AUTS2: variants seen among roughly 807,000 people sequenced by gnomAD.
AUTS2 encodes autism susceptibility gene 2 protein.
Under a neutral mutation model 112.4 loss-of-function variants are expected in AUTS2, and 17 were observed. The ratio of observed to expected loss-of-function variants is 0.15; its 90% CI spans 0.10 to 0.23. The LOEUF (loss-of-function observed/expected upper bound fraction) is 0.23, where lower values mean the gene tolerates loss of function less well. Among genes scored for constraint, AUTS2 ranks in the 10% least tolerant of loss-of-function variants. AUTS2 has a pLI of 1.00. For synonymous variants in AUTS2, 751 were observed against 702.7 expected, an observed-to-expected ratio of 1.07 and a Z score of -1.09; for missense variants, 1,510 against 1,701.6, an observed-to-expected ratio of 0.89 and a Z score of 1.98.
intron 5 of AUTS2, among the ~76,000 whole-genome samples, chr7:70,673,111 T>C: frequency 6.6e-6 from 1 of 152,108 alleles, no homozygotes; most frequent in East Asian, 1.9e-4. Context: ...GTAACACAAA[T>C]CTTCTGTTTA....
chr7:70,232,993 ACT>A (rs1395480139), intron 4 of AUTS2, among the ~76,000 whole-genome samples: 1 of 152,166 alleles, frequency 6.6e-6, no homozygotes, highest in East Asian at 1.9e-4. Flanking sequence ...ATGTTCCATA[ACT>A]CTATGCAATT....
At chr7:70,431,313 CAAAAATGTA>C (rs1795658770) in intron 4 of AUTS2, among the ~76,000 whole-genome samples, 2 of 152,328 alleles carry the variant, frequency 1.3e-5, no homozygotes, top group Middle Eastern at 3.4e-3. Context: ...GAAAGACTTA[CAAAAATGTA>C]TTAACAGTGT....
intron 2 of AUTS2, among the ~76,000 whole-genome samples, chr7:70,023,583 A>T (rs1254343025): frequency 6.6e-6 from 1 of 152,196 alleles, no homozygotes; most frequent in African/African-American, 2.4e-5. Context: ...AATGTAAAGC[A>T]CTTAGAAGGG....
rs147816341 is a variant in AUTS2 at position 69,818,431 on chromosome 7, A to C, written c.310-80855A>C. ...TGTATATTATTAAACTGGAGTCTGC[A>C]TGTACATGTCAGTTTATGAAGAACC... is the stretch of plus-strand genomic sequence containing the variant. On this transcript the variant is annotated intron_variant, in intron 1 of 18. Coordinates refer to ENST00000342771, the MANE Select transcript of AUTS2 (RefSeq NM_015570.4). 8.5e-5 allele frequency among the ~76,000 whole-genome samples: 13 copies of C among 152,346 alleles called. No individual in the cohort carries two copies. In the East Asian group the frequency reaches 2.5e-3, roughly 29 times the overall value.
intron 5 of AUTS2, among the ~76,000 whole-genome samples, chr7:70,476,505 A>T (rs1410060001): frequency 6.6e-6 from 1 of 152,178 alleles, no homozygotes. Flanking sequence ...TTGTCCAAAG[A>T]CATCTGCCCC....
At chr7:70,002,987 A>G (rs546377739) in intron 2 of AUTS2, among the ~76,000 whole-genome samples, 1 of 151,402 alleles carries the variant, frequency 6.6e-6, no homozygotes, top group Admixed American at 6.6e-5. Context: ...AAAATCAACA[A>G]TTTTAAGAAA....
At chr7:70,621,846 T>C (rs1294613125) in intron 5 of AUTS2, among the ~76,000 whole-genome samples, 6 of 131,566 alleles carry the variant, frequency 4.6e-5, no homozygotes, top group East Asian at 2.2e-4. Context: ...CTCTTTTTTT[T>C]TTTTTTTTTT....
intron 5 of AUTS2, among the ~76,000 whole-genome samples, chr7:70,508,131 C>T (rs192569447): frequency 4.7e-4 from 71 of 151,584 alleles, no homozygotes; most frequent in African/African-American, 1.7e-3. Flanking sequence ...TGATCAAGCT[C>T]GGGCTACGGG....
intron 5 of AUTS2, among the ~76,000 whole-genome samples, chr7:70,643,719 T>A (rs1275620025): frequency 1.3e-5 from 2 of 152,204 alleles, no homozygotes; most frequent in Admixed American, 6.5e-5. Flanking sequence ...AGAAACAAAC[T>A]TTATTATCAT....
chr7:70,035,869 G>A (rs998260335), intron 2 of AUTS2, among the ~76,000 whole-genome samples: 1 of 152,050 alleles, frequency 6.6e-6, no homozygotes, highest in Non-Finnish European at 1.5e-5. Flanking sequence ...CCTAAAAATT[G>A]TTATGTCAAC....
chr7:70,657,415 T>G (rs1185834170), intron 5 of AUTS2, among the ~76,000 whole-genome samples: 1 of 152,168 alleles, frequency 6.6e-6, no homozygotes, highest in Non-Finnish European at 1.5e-5. Flanking sequence ...AATATTTAGA[T>G]AGGGATCATT....
chr7:70,098,383 T>C (rs1214759420), intron 2 of AUTS2, among the ~76,000 whole-genome samples: 2 of 152,216 alleles, frequency 1.3e-5, no homozygotes, highest in African/African-American at 4.8e-5. Flanking sequence ...TTTAGGTAAA[T>C]GAGATCTTCT....
chr7:69,628,135 C>A (rs1365769807), intron 1 of AUTS2, among the ~76,000 whole-genome samples: 1 of 152,076 alleles, frequency 6.6e-6, no homozygotes, highest in Non-Finnish European at 1.5e-5. Context: ...CATTTACAGA[C>A]GTTTATTCTA....
intron 4 of AUTS2, among the ~76,000 whole-genome samples, chr7:70,351,197 T>C (rs1791741645): frequency 1.3e-5 from 2 of 151,980 alleles, no homozygotes. Context: ...ATTACAGGCG[T>C]GCGCCAATAC....
chr7:69,802,337 T>C (rs1790121556), intron 1 of AUTS2, among the ~76,000 whole-genome samples: 1 of 152,210 alleles, frequency 6.6e-6, no homozygotes, highest in South Asian at 2.1e-4. Flanking sequence ...GAACCACCTC[T>C]CTCAGATCTT....
chr7:70,340,648 G>T (rs1791222490), intron 4 of AUTS2, among the ~76,000 whole-genome samples: 1 of 152,224 alleles, frequency 6.6e-6, no homozygotes, highest in Non-Finnish European at 1.5e-5. Flanking sequence ...GTTAAGGTCA[G>T]CATCCTCAGT....
chr7:70,366,699 G>A (rs531468841), intron 4 of AUTS2, among the ~76,000 whole-genome samples: 1 of 152,232 alleles, frequency 6.6e-6, no homozygotes, highest in Non-Finnish European at 1.5e-5. Context: ...TGAGAAGAAG[G>A]AATGTTCCAA....
chr7:70,427,783 C>T (rs549913012), intron 4 of AUTS2, among the ~76,000 whole-genome samples: 2 of 152,246 alleles, frequency 1.3e-5, no homozygotes, highest in African/African-American at 4.8e-5. Context: ...GTTCCCTTAG[C>T]CCCCTCAGAT....
rs1400698245 is a variant in AUTS2 at position 70,615,564 on chromosome 7, G to GCTT, written c.691-83004_691-83002dup. On this transcript the variant is annotated intron_variant, in intron 5 of 18. Transcript: ENST00000342771. ...AAAAAAAACCTCTAGAAGATTTATG[G>GCTT]CTTGTTGTTGTTGTTGTTGTTGTTG... 3.3e-3 allele frequency among the ~76,000 whole-genome samples: 363 copies of GCTT among 109,218 alleles called. 6 individuals are homozygous for GCTT. The East Asian group carries it at 0.042, about 13-fold the overall frequency. 71.7% of individuals were successfully genotyped at this position (109,218 alleles called of 152,430 possible).
Sources: gnomAD v4.1 joint callset for allele counts (sites outside exome capture counted in the v4.1 genomes callset) on GRCh38, gnomAD v4.1.1 for gene constraint, MANE v1.5 for transcripts, NCBI Gene and HGNC (gene_info 2026-07-23, HGNC 2026-07-21) for gene names.